The following ABLIM1 variants were observed in gnomAD, a reference collection of about 807,000 sequenced individuals.
The protein encoded by ABLIM1 is actin binding LIM protein 1, also known as actin-binding LIM protein 1.
Under a neutral mutation model 107.0 loss-of-function variants are expected in ABLIM1, and 40 were observed. That is an observed-to-expected ratio of 0.37 (90% confidence interval 0.29 to 0.49). The LOEUF (loss-of-function observed/expected upper bound fraction) is 0.49, where lower values mean the gene tolerates loss of function less well. Ranked by LOEUF, ABLIM1 falls within the 20% of genes least tolerant of loss-of-function variation. The pLI is 0.97. For synonymous variants in ABLIM1, 357 were observed against 357.3 expected (o/e 1.00, Z 0.01); for missense variants, 857 against 1,008.5 (o/e 0.85, Z 2.04).
rs1313683021 is a variant in ABLIM1, at chr10:114,704,531, C to A, written c.-213+63530G>T. ...ACATATTGGCAGAGATTTCCCAATG[C>A]CCAGTTTCAAGCTTTCCTTAAATTG... is the stretch of plus-strand genomic sequence containing the variant. On this transcript the variant is annotated intron_variant, in intron 1 of 15. Coordinates refer to the ABLIM1 transcript ENST00000651092. Among the ~76,000 whole-genome samples, 4 of 150,986 alleles carry A rather than the reference C, an allele frequency of 2.6e-5. No homozygotes were observed. In the East Asian group the frequency reaches 5.8e-4, roughly 22 times the overall value.
intron 1 of ABLIM1, among the ~76,000 whole-genome samples, chr10:114,663,279 G>C (rs983940527): frequency 2.0e-5 from 3 of 152,166 alleles, no homozygotes; most frequent in South Asian, 2.1e-4. Context: ...CTTGTCCCCA[G>C]ATAGCAGCTC....
intron 1 of ABLIM1, among the ~76,000 whole-genome samples, chr10:114,702,005 T>G (rs72831076): frequency 2.0e-5 from 3 of 152,334 alleles, no homozygotes; most frequent in Non-Finnish European, 2.9e-5. Flanking sequence ...TACTATTTTT[T>G]TATTGTTTAT....
At chr10:114,493,600 T>C (rs1404111090) in intron 6 of ABLIM1, among the ~76,000 whole-genome samples, 1 of 152,098 alleles carries the variant, frequency 6.6e-6, no homozygotes, top group Non-Finnish European at 1.5e-5. Flanking sequence ...TATGGCTAGA[T>C]AAAAAATTAA....
At chr10:114,607,481 G>A (rs2076502337) in intron 1 of ABLIM1, among the ~76,000 whole-genome samples, 1 of 152,148 alleles carries the variant, frequency 6.6e-6, no homozygotes, top group Non-Finnish European at 1.5e-5. Context: ...GCACAATGTG[G>A]ATAGGAAGAA....
chr10:114,739,659 TA>T (rs2082248662), intron 1 of ABLIM1, among the ~76,000 whole-genome samples: 1 of 152,182 alleles, frequency 6.6e-6, no homozygotes, highest in Admixed American at 6.5e-5. Flanking sequence ...TGATTTTTTT[TA>T]AATCACAGAA....
In ABLIM1 at chr10:114,601,887, T is replaced by C; in HGVS notation, c.319A>G (p.Lys107Glu). 6.2e-7 allele frequency: 1 copy of C among 1,614,152 alleles called. No homozygotes were observed. The highest frequency in any genetic ancestry group is 1.1e-5 in the South Asian group (1 of 91,084). Residue 107 changes from lysine to glutamate, a missense_variant, in exon 2 of 23, where the codon AAG (lysine) becomes GAG (glutamate). Around this residue, in one of 5 missense-constraint regions of ABLIM1, gnomAD observed 176 missense variants for 173.5 expected, o/e 1.01. Transcript: ENST00000533213. ...IHCHKCGEPC[K>E]GEVLRVQTKH... ...GTCTGGACCCGAAGCACTTCACCCT[T>C]GCAAGGCTCCCCACATTTATGGCAG...
chr10:114,726,818 G>A (rs1052270028), intron 1 of ABLIM1, among the ~76,000 whole-genome samples: 2 of 152,016 alleles, frequency 1.3e-5, no homozygotes, highest in African/African-American at 2.4e-5. Flanking sequence ...CCCAGGGGAT[G>A]GCGCTAAAGC....
At chr10:114,541,351 A>G (rs995295300) in intron 6 of ABLIM1, among the ~76,000 whole-genome samples, 5 of 152,188 alleles carry the variant, frequency 3.3e-5, no homozygotes, top group African/African-American at 1.2e-4. Context: ...TACATTTGTA[A>G]AGGGATAAAA....
intron 1 of ABLIM1, among the ~76,000 whole-genome samples, chr10:114,638,622 TACACACACACACACACACACACAC>T (rs59605861): frequency 1.4e-5 from 2 of 143,750 alleles, no homozygotes; most frequent in African/African-American, 5.1e-5. Flanking sequence ...ATGCCCTGCC[TACACACACACACACACACACACAC>T]ACACACACAC....
chr10:114,465,157 G>GAAAT (rs1480202157), intron 12 of ABLIM1, among the ~76,000 whole-genome samples: 1 of 152,116 alleles, frequency 6.6e-6, no homozygotes, highest in Non-Finnish European at 1.5e-5. Context: ...CTTAGGGTTG[G>GAAAT]AAATGATTTT....
At chr10:114,641,285 G>A (rs1041890722) in intron 1 of ABLIM1, among the ~76,000 whole-genome samples, 4 of 137,512 alleles carry the variant, frequency 2.9e-5, no homozygotes, top group African/African-American at 8.2e-5. Flanking sequence ...AGTGGACTTC[G>A]ATGTTAGCAA....
chr10:114,500,782 G>GGAAGGGAAGA (rs2060324673), intron 6 of ABLIM1, among the ~76,000 whole-genome samples: 1 of 150,212 alleles, frequency 6.7e-6, no homozygotes, highest in Admixed American at 6.6e-5. Flanking sequence ...GGAAGGGAAG[G>GGAAGGGAAGA]GAAGGGAAGG....
chr10:114,605,869 T>A (rs562534405), intron 1 of ABLIM1, among the ~76,000 whole-genome samples: 1 of 152,204 alleles, frequency 6.6e-6, no homozygotes. Context: ...AGATCAGCCA[T>A]GTCTCTGAAC....
intron 5 of ABLIM1, among the ~76,000 whole-genome samples, chr10:114,545,972 G>A (rs369181974): frequency 2.0e-5 from 3 of 146,416 alleles, no homozygotes; most frequent in Admixed American, 6.8e-5. Context: ...CACTGAGCCC[G>A]TCAGATGTGG....
chr10:114,540,089 G>A (rs1175778219), intron 6 of ABLIM1, among the ~76,000 whole-genome samples: 1 of 152,160 alleles, frequency 6.6e-6, no homozygotes, highest in East Asian at 1.9e-4. Context: ...CCCCTAAAAA[G>A]AGAATCTTGC....
chr10:114,479,890 A>C (rs2057081183), intron 8 of ABLIM1, among the ~76,000 whole-genome samples: 1 of 152,326 alleles, frequency 6.6e-6, no homozygotes, highest in South Asian at 2.1e-4. Flanking sequence ...AACCATTTTT[A>C]TTCTTCCAGC....
At chr10:114,769,196 A>G (rs1019918322), upstream of ABLIM1, among the ~76,000 whole-genome samples, 2 of 117,914 alleles carry the variant, frequency 1.7e-5, no homozygotes, top group African/African-American at 6.7e-5. Flanking sequence ...AAAAAAAAAA[A>G]GCAAATTAGC....
chr10:114,474,258 G>A (rs1002031889), intron 8 of ABLIM1, among the ~76,000 whole-genome samples: 3 of 151,966 alleles, frequency 2.0e-5, no homozygotes, highest in Admixed American at 6.6e-5. Context: ...CTCTACTGCC[G>A]TAGTCCCAGC....
At chr10:114,567,957 G>A (rs189740583) in intron 4 of ABLIM1, among the ~76,000 whole-genome samples, 3,310 of 152,032 alleles carry the variant, frequency 0.022, 102 homozygotes, top group African/African-American at 0.067. Flanking sequence ...TTGGGAGGCC[G>A]AGGCGGGTGG....
Sources: gnomAD v4.1 joint callset for allele counts (sites outside exome capture counted in the v4.1 genomes callset) on GRCh38, gnomAD v4.1.1 for gene constraint, gnomAD v4.1.1 regional missense constraint, MANE v1.5 for transcripts, NCBI Gene and HGNC (gene_info 2026-07-23, HGNC 2026-07-21) for gene names.